DUSP11: variants seen among roughly 807,000 people sequenced by gnomAD.
DUSP11 encodes RNA/RNP complex-1-interacting phosphatase.
In DUSP11, 27 loss-of-function variants were observed where a neutral mutation model predicts 41.4. The ratio of observed to expected loss-of-function variants is 0.65; its 90% CI spans 0.48 to 0.90. The LOEUF (loss-of-function observed/expected upper bound fraction) is 0.90, where lower values mean the gene tolerates loss of function less well. Among genes scored for constraint, DUSP11 ranks in the 40% least tolerant of loss-of-function variants. The pLI, the probability that DUSP11 is intolerant of heterozygous loss-of-function variation, is 0.00. For missense variants in DUSP11, 465 were observed against 461.1 expected, an observed-to-expected ratio of 1.01 and a Z score of -0.08; for synonymous variants, 188 against 159.3, an observed-to-expected ratio of 1.18 and a Z score of -1.35.
chr2:73,777,252 C>CA (rs1196147515), intron 2 of DUSP11, among the ~76,000 whole-genome samples: 41 of 152,202 alleles, frequency 2.7e-4, no homozygotes, highest in Admixed American at 9.8e-4. Flanking sequence ...TACTGGATTA[C>CA]AAACATGATC....
At chr2:73,776,031 C>T (rs577161940) in intron 2 of DUSP11, among the ~76,000 whole-genome samples, 45 of 152,116 alleles carry the variant, frequency 3.0e-4, no homozygotes, top group Non-Finnish European at 5.3e-4. Context: ...GCTGAATATT[C>T]TTTTATGTAT....
At chr2:73,776,499 C>T (rs1486402083) in intron 2 of DUSP11, among the ~76,000 whole-genome samples, 1 of 151,854 alleles carries the variant, frequency 6.6e-6, no homozygotes, top group African/African-American at 2.4e-5. Flanking sequence ...ATAGTTCCCA[C>T]ATGTACTTTG....
At chr2:73,773,732 A>C (rs1485363752) in intron 4 of DUSP11, 68 bp downstream of exon 4, 2 of 1,498,788 alleles carry the variant, frequency 1.3e-6, no homozygotes, top group Non-Finnish European at 1.8e-6. Flanking sequence ...GGAACTATAA[A>C]AAAATACCAA....
rs1672526358 is a variant in DUSP11 at position 73,769,129 on chromosome 2, A to T, written c.635+136T>A. Reference sequence around the variant, plus strand: ...TGTGTACTAAATTATTAATGGTGGTAATCTCTGGGTGGGGAGCAAGACTGC... The same window carrying T: ...TGTGTACTAAATTATTAATGGTGGTTATCTCTGGGTGGGGAGCAAGACTGC... On this transcript the variant is annotated intron_variant, in intron 5 of 8. Coordinates refer to ENST00000272444, the Ensembl canonical transcript of DUSP11. 4.7e-6 allele frequency: 3 copies of T among 642,824 alleles called. No homozygotes were observed. In the East Asian group the frequency reaches 8.0e-5, roughly 17 times the overall value. 39.8% of individuals were successfully genotyped at this position (642,824 alleles called of 1,614,324 possible). A position where few individuals can be genotyped will look rare whatever the true frequency, so the allele number is the denominator to read the frequency against.
chr2:73,773,992 G>A (rs1672633805), intron 3 of DUSP11, 69 bp from the exon 4 acceptor site: 1 of 1,297,168 alleles, frequency 7.7e-7, no homozygotes, highest in Non-Finnish European at 1.1e-6. Flanking sequence ...AGTAATTAGG[G>A]GACCCAGAAT....
intron 4 of DUSP11, among the ~76,000 whole-genome samples, chr2:73,772,159 T>C (rs1177679134): frequency 6.6e-6 from 1 of 152,218 alleles, no homozygotes; most frequent in Non-Finnish European, 1.5e-5. Flanking sequence ...ATATTTATTT[T>C]CCTAGATAAC....
chr2:73,763,876 AG>A (rs1672409209), intron 8 of DUSP11, among the ~76,000 whole-genome samples: 1 of 152,168 alleles, frequency 6.6e-6, no homozygotes, highest in Admixed American at 6.6e-5. Flanking sequence ...ACAGCCTATT[AG>A]TTTCACTTAT....
intron 8 of DUSP11, among the ~76,000 whole-genome samples, chr2:73,763,809 A>G (rs1244558680): frequency 6.6e-6 from 1 of 152,184 alleles, no homozygotes. Flanking sequence ...CTATAATTCA[A>G]TTAGTTAGTA....
At chr2:73,778,711 G>A (rs1424116145) in intron 1 of DUSP11, among the ~76,000 whole-genome samples, 2 of 152,122 alleles carry the variant, frequency 1.3e-5, no homozygotes, top group East Asian at 3.8e-4. Flanking sequence ...CATATTCACT[G>A]AAATAATTTA....
intron 2 of DUSP11, among the ~76,000 whole-genome samples, chr2:73,777,303 C>A (rs1253027162): frequency 6.6e-6 from 1 of 151,960 alleles, no homozygotes; most frequent in Admixed American, 6.5e-5. Flanking sequence ...TAAGCCCAGA[C>A]ATGCAGAGAA....
At chr2:73,773,511 G>A (rs1370576789) in intron 4 of DUSP11, 1 of 355,864 alleles carries the variant, frequency 2.8e-6, no homozygotes, top group African/African-American at 2.2e-5. Context: ...AACCAATATA[G>A]AAGACAAAAA....
chr2:73,762,744 G>A (rs773725945), exon 9 of DUSP11: 20 of 1,613,770 alleles, frequency 1.2e-5, no homozygotes, highest in South Asian at 1.2e-4. Flanking sequence ...TGGGCTGCCC[G>A]ACTGGCATTG....
exon 1 of DUSP11, chr2:73,780,069 A>G: frequency 1.2e-6 from 2 of 1,600,492 alleles, no homozygotes; most frequent in Non-Finnish European, 1.7e-6. Flanking sequence ...ACAGGAAAAG[A>G]CTCGGCAGCC....
intron 8 of DUSP11, among the ~76,000 whole-genome samples, chr2:73,763,353 G>A (rs1156630908): frequency 6.6e-6 from 1 of 152,204 alleles, no homozygotes; most frequent in Non-Finnish European, 1.5e-5. Flanking sequence ...CATGGTATAT[G>A]CAACAAATTT....
intron 2 of DUSP11, among the ~76,000 whole-genome samples, chr2:73,775,715 G>T (rs908780366): frequency 3.3e-5 from 5 of 150,538 alleles, no homozygotes; most frequent in African/African-American, 1.2e-4. Context: ...ATTAGCCAGG[G>T]GTGGTGGCAG....
intron 2 of DUSP11, among the ~76,000 whole-genome samples, chr2:73,776,197 G>A (rs969726868): frequency 5.3e-5 from 8 of 151,680 alleles, no homozygotes; most frequent in Admixed American, 2.0e-4. Flanking sequence ...GGAGGATCAC[G>A]AGGTCAGGAG....
At chr2:73,775,294 C>A (rs1672657429) in intron 2 of DUSP11, among the ~76,000 whole-genome samples, 1 of 151,864 alleles carries the variant, frequency 6.6e-6, no homozygotes, top group Non-Finnish European at 1.5e-5. Context: ...TGTAATCTCC[C>A]AGATTTTATT....
intron 2 of DUSP11, among the ~76,000 whole-genome samples, chr2:73,777,194 G>A (rs774130839): frequency 6.6e-6 from 1 of 152,150 alleles, no homozygotes; most frequent in Non-Finnish European, 1.5e-5. Flanking sequence ...GCCCAGGCTG[G>A]TCTAAAACTC....
At chr2:73,775,178 G>T (rs1164026476) in intron 2 of DUSP11, 134 bp from the exon 3 acceptor site, 1 of 719,564 alleles carries the variant, frequency 1.4e-6, no homozygotes, top group East Asian at 2.8e-5. Context: ...AACATAGAAG[G>T]TATATTACAA....
Sources: allele counts gnomAD v4.1 joint callset (sites outside exome capture counted in the v4.1 genomes callset), GRCh38; gene constraint gnomAD v4.1.1; transcripts MANE v1.5; gene names NCBI Gene and HGNC (gene_info 2026-07-23, HGNC 2026-07-21).